The following MIX23 variants were observed in gnomAD, a reference collection of about 807,000 sequenced individuals.
MIX23 encodes protein MIX23.
MIX23 carries 13 observed loss-of-function variants against 21.6 expected under a neutral mutation model. The observed-to-expected ratio is 0.60, with a 90% CI of 0.39 to 0.96. The LOEUF (loss-of-function observed/expected upper bound fraction) is 0.96, where lower values mean the gene tolerates loss of function less well. MIX23 is among the 40% of genes least tolerant of loss of function. MIX23 has a pLI of 0.00. For missense variants in MIX23, 144 were observed against 171.2 expected, an observed-to-expected ratio of 0.84 and a Z score of 0.89; for synonymous variants, 59 against 58.0, an observed-to-expected ratio of 1.02 and a Z score of -0.08.
chr3:122,378,074 AT>A (rs2075502050), intron 1 of MIX23, among the ~76,000 whole-genome samples: 1 of 152,162 alleles, frequency 6.6e-6, no homozygotes, highest in Non-Finnish European at 1.5e-5. Context: ...GGAACCAAAC[AT>A]GTGTTTTCTG....
chr3:122,374,033 T>C (rs1255667844), intron 1 of MIX23, among the ~76,000 whole-genome samples: 1 of 148,658 alleles, frequency 6.7e-6, no homozygotes, highest in Admixed American at 6.7e-5. Flanking sequence ...ATTTGGGAAG[T>C]CCAAAAAAAA....
chr3:122,381,428 A>T (rs112263333), intron 1 of MIX23, among the ~76,000 whole-genome samples: 1 of 152,192 alleles, frequency 6.6e-6, no homozygotes, highest in African/African-American at 2.4e-5. Flanking sequence ...TGTCCCTATA[A>T]GAAGAGGAAG....
At chr3:122,369,890 T>C (rs927687148) in intron 2 of MIX23, among the ~76,000 whole-genome samples, 5 of 152,150 alleles carry the variant, frequency 3.3e-5, no homozygotes, top group Non-Finnish European at 7.3e-5. Flanking sequence ...GCTGGGACTA[T>C]AGGCGCACAC....
intron 3 of MIX23, among the ~76,000 whole-genome samples, chr3:122,365,146 T>G (rs1474680223): frequency 6.6e-6 from 1 of 152,242 alleles, no homozygotes; most frequent in African/African-American, 2.4e-5. Context: ...ACAGCAGTTA[T>G]AGAGGTCCAG....
At chr3:122,379,625 A>G (rs2075514980) in intron 1 of MIX23, among the ~76,000 whole-genome samples, 1 of 152,234 alleles carries the variant, frequency 6.6e-6, no homozygotes, top group Admixed American at 6.5e-5. Flanking sequence ...TCACCAAGAA[A>G]ATACATAGAA....
At position 122,359,929 on chromosome 3, in the gene MIX23, T is replaced by C; in HGVS notation, c.385-10A>G. On this transcript the variant is annotated splice_polypyrimidine_tract_variant and intron_variant, in intron 4 of 4. Transcript: ENST00000291458. The stretch of plus-strand genomic sequence containing the variant: ...AGCGTTCATTAAACACCTAAAATAT[T>C]GAAACAGAAACAAAAGTCATTGAGT... The C allele has an allele frequency of 6.3e-7, 1 of 1,587,754 alleles. No homozygotes were observed.
intron 3 of MIX23, chr3:122,366,828 C>G (rs758322187): frequency 6.6e-6 from 1 of 152,102 alleles, no homozygotes; most frequent in Non-Finnish European, 1.5e-5. Context: ...GTAGTCCCAG[C>G]TACTGGGGAG....
chr3:122,376,292 C>T (rs1181264189), intron 1 of MIX23, among the ~76,000 whole-genome samples: 5 of 151,292 alleles, frequency 3.3e-5, no homozygotes, highest in South Asian at 4.2e-4. Context: ...CGTATACACA[C>T]ACATATATAT....
intron 3 of MIX23, 106 bp downstream of exon 3, chr3:122,368,070 A>C: frequency 4.3e-6 from 4 of 926,450 alleles, no homozygotes; most frequent in Non-Finnish European, 6.8e-6. Context: ...TCATTTTTTT[A>C]AGTAACTGCC....
At chr3:122,366,297 C>G (rs953002784) in intron 3 of MIX23, among the ~76,000 whole-genome samples, 1 of 152,108 alleles carries the variant, frequency 6.6e-6, no homozygotes, top group Non-Finnish European at 1.5e-5. Flanking sequence ...CCAAGGGATC[C>G]ACCAGTGCCT....
chr3:122,370,312 C>T (rs1179480471), intron 2 of MIX23, among the ~76,000 whole-genome samples: 2 of 151,900 alleles, frequency 1.3e-5, no homozygotes, highest in African/African-American at 4.8e-5. Context: ...AAAAAATCAG[C>T]CAGGCATGGT....
Position 122,378,409 on chromosome 3 carries a change from G to C in MIX23, c.51+4765C>G, listed in dbSNP as rs534053704. Among the ~76,000 whole-genome samples, 3 of 152,288 alleles carry C rather than the reference G, an allele frequency of 2.0e-5. No individual in the cohort carries two copies. The South Asian group carries it at 6.2e-4, about 32-fold the overall frequency. On this transcript the variant is annotated intron_variant, in intron 1 of 4. Transcript: ENST00000291458. ...TTATTGTATTACCAGTGGAACCTAT[G>C]GATTATCAAATAGTCATGTAGTGCT...
At chr3:122,371,249 T>G (rs1576235125) in intron 2 of MIX23, among the ~76,000 whole-genome samples, 1 of 152,242 alleles carries the variant, frequency 6.6e-6, no homozygotes, top group Non-Finnish European at 1.5e-5. Context: ...CTATTCCCCT[T>G]CCTGAGGAGT....
At chr3:122,368,923 T>C (rs529686592) in intron 2 of MIX23, among the ~76,000 whole-genome samples, 8 of 152,366 alleles carry the variant, frequency 5.3e-5, no homozygotes, top group African/African-American at 1.9e-4. Context: ...CACAGATTAG[T>C]GGTTGCATCA....
At chr3:122,377,766 T>C (rs1402025873) in intron 1 of MIX23, among the ~76,000 whole-genome samples, 1 of 152,194 alleles carries the variant, frequency 6.6e-6, no homozygotes, top group Non-Finnish European at 1.5e-5. Flanking sequence ...AAGGATCACT[T>C]GAGCCCAGGA....
intron 1 of MIX23, among the ~76,000 whole-genome samples, chr3:122,376,320 C>G (rs553137155): frequency 6.6e-6 from 1 of 151,872 alleles, no homozygotes; most frequent in Admixed American, 6.6e-5. Context: ...CATGCAGCCA[C>G]AGAAAAGAAT....
intron 1 of MIX23, among the ~76,000 whole-genome samples, chr3:122,381,809 T>C (rs1359274430): frequency 6.6e-6 from 1 of 150,506 alleles, no homozygotes; most frequent in African/African-American, 2.4e-5. Context: ...GAAGAGATAG[T>C]GACATAGAGA....
chr3:122,379,575 G>A (rs562581615), intron 1 of MIX23, among the ~76,000 whole-genome samples: 6 of 152,136 alleles, frequency 3.9e-5, no homozygotes, highest in Non-Finnish European at 7.3e-5. Flanking sequence ...ACTACCTACC[G>A]GAGGCTTAGC....
intron 1 of MIX23, among the ~76,000 whole-genome samples, chr3:122,377,696 A>T (rs1318552254): frequency 6.6e-6 from 1 of 152,104 alleles, no homozygotes; most frequent in Non-Finnish European, 1.5e-5. Context: ...AAAAGTAAAA[A>T]ATTTAGCCAA....
Sources: allele counts gnomAD v4.1 joint callset (sites outside exome capture counted in the v4.1 genomes callset), GRCh38; gene constraint gnomAD v4.1.1; transcripts MANE v1.5; gene names NCBI Gene and HGNC (gene_info 2026-07-23, HGNC 2026-07-21).